The following CDK5 variants were observed in gnomAD, a reference collection of about 807,000 sequenced individuals.
CDK5 encodes the protein cyclin-dependent kinase 5.
Under a neutral mutation model 44.6 loss-of-function variants are expected in CDK5, and 18 were observed. That is an observed-to-expected ratio of 0.40 (90% CI 0.28 to 0.60). The LOEUF is 0.60. CDK5 is among the 20% of genes least tolerant of loss of function. CDK5 has a pLI of 0.38. For synonymous variants in CDK5, 143 were observed against 152.8 expected (o/e 0.94, Z 0.47); for missense variants, 198 against 368.1 (o/e 0.54, Z 3.78).
chr7:151,057,201 C>T lies in CDK5; in HGVS notation c.38-41G>A, dbSNP rs770486231. 193 of 1,475,464 alleles carry T rather than the reference C, an allele frequency of 1.3e-4. No homozygotes were observed. Among genetic ancestry groups the T allele is most frequent in the Middle Eastern group, 1.7e-4 (1 of 5,842 alleles). 91.4% of individuals were successfully genotyped at this position (1,475,464 alleles called of 1,614,324 possible). On this transcript the variant is annotated intron_variant, in intron 1 of 11. Transcript: ENST00000485972. This position sits in a 1 kb window ranked among gnomAD's most constrained non-coding sequence, Gnocchi z 5.2. The stretch of plus-strand genomic sequence containing the variant: ...CAGGGGTCAGGGTGAGGATGCGGCA[C>T]TCTTCCCTAAGCCAGGAAATGCCTC...
In CDK5 at chr7:151,055,145, C is replaced by T. The variant is rs1584973086; in HGVS notation, c.581-49G>A. On this transcript the variant is annotated intron_variant, in intron 8 of 11. Transcript: ENST00000485972. The stretch of plus-strand genomic sequence containing the variant: ...GATGTGACATGTGAAGGACCCCTCA[C>T]TCTGAGGTACCCCCTGACCTTCCAG... 1.9e-6 allele frequency: 3 copies of T among 1,588,108 alleles called. No homozygotes were observed. The East Asian group carries it at 6.7e-5, about 36-fold the overall frequency.
rs1267870703 is a variant in CDK5, at chr7:151,056,170, C to T, written c.313-322G>A. On this transcript the variant is annotated intron_variant, in intron 5 of 11. Coordinates refer to ENST00000485972, the MANE Select transcript of CDK5 (RefSeq NM_004935.4). This position sits in a 1 kb window ranked among gnomAD's most constrained non-coding sequence, Gnocchi z 4.7. ...CTTCCTGGCCGCATCTGAGTATGCA[C>T]GCCGTGAACATCAACATAAATATCG... 1.8e-5 allele frequency: 9 copies of T among 512,506 alleles called. No homozygotes were observed. The highest frequency in any genetic ancestry group is 1.7e-4 in the Admixed American group (5 of 29,404). The allele number at this position is 512,506 out of a possible 1,614,324, so 31.7% of individuals were successfully genotyped here.
At position 151,057,760 on chromosome 7, in the gene CDK5, G is replaced by A; in HGVS notation, c.37+52C>T. The A allele has an allele frequency of 2.5e-6, 4 of 1,577,888 alleles. No homozygotes were observed. The highest frequency in any genetic ancestry group is 3.5e-6 in the Non-Finnish European group (4 of 1,156,044). ...TAAGGGAGCCAGGGCTTCAAGGAAT[G>A]CCGAAGGATCTGCAGAGGAGCTCTT... On this transcript the variant is annotated intron_variant, in intron 1 of 11. Transcript: ENST00000485972. This position sits in a 1 kb window ranked among gnomAD's most constrained non-coding sequence, Gnocchi z 5.2.
intron 7 of CDK5, 26 bp downstream of exon 7, chr7:151,055,506 A>T (rs202002336): frequency 1.2e-6 from 2 of 1,607,494 alleles, no homozygotes; most frequent in East Asian, 2.2e-5. Flanking sequence ...CCCTCCCCCA[A>T]TCCCATATCC....
chr7:151,057,251 C>A lies in CDK5; in HGVS notation c.38-91G>T, dbSNP rs1345184107. On this transcript the variant is annotated intron_variant, in intron 1 of 11. Coordinates refer to ENST00000485972, the MANE Select transcript of CDK5 (RefSeq NM_004935.4). The surrounding 1 kb of genome is among the most constrained non-coding windows in gnomAD (Gnocchi z 5.2). Reference sequence around the variant, plus strand: ...CCTGAGAGAGGTGAAGGCAGCGTCTCAGTATGCAAGGGAAGGGATTCAGGG... The same window carrying A: ...CCTGAGAGAGGTGAAGGCAGCGTCTAAGTATGCAAGGGAAGGGATTCAGGG... The A allele has an allele frequency of 6.1e-6, 6 of 982,808 alleles. No individual in the cohort carries two copies. The highest frequency in any genetic ancestry group is 1.3e-5 in the South Asian group (1 of 78,398). The allele number at this position is 982,808 out of a possible 1,614,324, so 60.9% of individuals were successfully genotyped here.
Position 151,057,829 on chromosome 7 carries a change from A to G in CDK5, c.20T>C (p.Leu7Pro). The change falls in exon 1 of 12, where the codon CTG (leucine) becomes CCG (proline). Residue 7 changes from leucine (L) to proline (P), a missense_variant. Physicochemically the swap from Leu to Pro is moderately conservative, Grantham distance 98. Transcript: ENST00000485972. The surrounding 1 kb of genome is among the most constrained non-coding windows in gnomAD (Gnocchi z 5.2). ...TCCATTACCTTCCCCAATCTTTTCC[A>G]GTTTCTCGTATTTCTGCATCGCGGC... MQKYEK[L>P]EKIGEGTYGT... 6.2e-7 allele frequency: 1 copy of G among 1,611,836 alleles called. No individual in the cohort carries two copies. Among genetic ancestry groups the G allele is most frequent in the Non-Finnish European group, 8.5e-7 (1 of 1,179,074 alleles).
chr7:151,055,028 G>A lies in CDK5; in HGVS notation c.649C>T (p.Arg217Ter). The A allele has an allele frequency of 6.2e-7, 1 of 1,613,714 alleles. No homozygotes were observed. The highest frequency in any genetic ancestry group is 8.5e-7 in the Non-Finnish European group (1 of 1,179,776). The stretch of plus-strand genomic sequence containing the variant: ...CAAGGCAGAGGAAAGCAAGGATATC[G>A]GAAGATCCTCTTCAACTGGTCATCG... The part of the protein sequence containing the change: ...DVDDQLKRIF[R>*]LLGTPTEEQW... Residue 217 changes from arginine (R) to a stop codon, truncating the protein, a stop_gained and splice_region_variant, in exon 9 of 12, where the codon CGA (arginine) becomes TGA (stop). Coordinates refer to ENST00000485972, the MANE Select transcript of CDK5 (RefSeq NM_004935.4). LOFTEE classifies it high-confidence loss of function.
chr7:151,056,316 T>A lies in CDK5; in HGVS notation c.312+264A>T. 2 of 586,056 alleles carry A rather than the reference T, an allele frequency of 3.4e-6. No homozygotes were observed. The highest frequency in any genetic ancestry group is 6.1e-6 in the Non-Finnish European group (2 of 329,176). 36.3% of individuals were successfully genotyped at this position (586,056 alleles called of 1,614,324 possible). A position where few individuals can be genotyped will look rare whatever the true frequency, so the allele number is the denominator to read the frequency against. ...AGTAAGTATGTGTTGAATGAATGAG[T>A]GTATCTCCTTGAACCTCATTTTCTC... On this transcript the variant is annotated intron_variant, in intron 5 of 11. Transcript: ENST00000485972. This position sits in a 1 kb window ranked among gnomAD's most constrained non-coding sequence, Gnocchi z 4.7.
At position 151,056,070 on chromosome 7, in the gene CDK5, T is replaced by C; in HGVS notation, c.313-222A>G. ...AAGCTGGCTCTGGTCCCCACCTTCC[T>C]GGACCATACAGCCTAATGGGCCTTG... On this transcript the variant is annotated intron_variant, in intron 5 of 11. Transcript: ENST00000485972. The surrounding 1 kb of genome is among the most constrained non-coding windows in gnomAD (Gnocchi z 4.7). 1.7e-6 allele frequency: 1 copy of C among 582,518 alleles called. No individual in the cohort carries two copies. Among genetic ancestry groups the C allele is most frequent in the Non-Finnish European group, 3.1e-6 (1 of 326,088 alleles). The allele number at this position is 582,518 out of a possible 1,614,324, so 36.1% of individuals were successfully genotyped here.
chr7:151,055,926 C>T lies in CDK5; in HGVS notation c.313-78G>A. Reference sequence around the variant, plus strand: ...CCAGCAACGGGTCGGCTCCTCTCCTCACCCTGTGCTTCGCTCCACCCCACC... The same window carrying T: ...CCAGCAACGGGTCGGCTCCTCTCCTTACCCTGTGCTTCGCTCCACCCCACC... On this transcript the variant is annotated intron_variant, in intron 5 of 11. Transcript: ENST00000485972. 3 of 932,640 alleles carry T rather than the reference C, an allele frequency of 3.2e-6. No homozygotes were observed. The South Asian group carries it at 4.2e-5, about 13-fold the overall frequency. 57.8% of individuals were successfully genotyped at this position (932,640 alleles called of 1,614,324 possible).
Position 151,056,250 on chromosome 7 carries a change from T to A in CDK5, c.312+330A>T. The A allele has an allele frequency of 1.9e-6, 1 of 535,116 alleles. No homozygotes were observed. The highest frequency in any genetic ancestry group is 3.1e-5 in the East Asian group (1 of 32,236). The allele number at this position is 535,116 out of a possible 1,614,324, so 33.1% of individuals were successfully genotyped here. ...CTGGAACCTGGACCAAGGCATTTGGTCTTGGGCCTAGAAAAGCACCTGGCA... is the reference window on the plus strand; with the variant it reads ...CTGGAACCTGGACCAAGGCATTTGGACTTGGGCCTAGAAAAGCACCTGGCA... On this transcript the variant is annotated intron_variant, in intron 5 of 11. Transcript: ENST00000485972. The surrounding 1 kb of genome is among the most constrained non-coding windows in gnomAD (Gnocchi z 4.7).
rs1363018814 is a variant in CDK5, at chr7:151,056,802, G to A, written c.195-6C>T. On this transcript the variant is annotated splice_polypyrimidine_tract_variant and splice_region_variant and intron_variant, in intron 3 of 11. Coordinates refer to ENST00000485972, the MANE Select transcript of CDK5 (RefSeq NM_004935.4). This position sits in a 1 kb window ranked among gnomAD's most constrained non-coding sequence, Gnocchi z 4.7. Reference sequence around the variant, plus strand: ...TGTGCAGGACGTCATGAAGCCTAGGGCAAAAGAAGGGCTCAGCCAGGCAGG... The same window carrying A: ...TGTGCAGGACGTCATGAAGCCTAGGACAAAAGAAGGGCTCAGCCAGGCAGG... 1 of 1,609,484 alleles carries A rather than the reference G, an allele frequency of 6.2e-7. No homozygotes were observed. Among genetic ancestry groups the A allele is most frequent in the Non-Finnish European group, 8.5e-7 (1 of 1,177,884 alleles).
chr7:151,055,936 T>C, intron 5 of CDK5, 88 bp from the exon 6 acceptor site: 1 of 834,278 alleles, frequency 1.2e-6, no homozygotes, highest in Non-Finnish European at 2.0e-6. Context: ...CACCCTGTGC[T>C]TCGCTCCACC....
chr7:151,056,356 A>G lies in CDK5; in HGVS notation c.312+224T>C. 3.4e-6 allele frequency: 2 copies of G among 596,090 alleles called. No individual in the cohort carries two copies. The highest frequency in any genetic ancestry group is 6.0e-6 in the Non-Finnish European group (2 of 335,052). The allele number at this position is 596,090 out of a possible 1,614,324, so 36.9% of individuals were successfully genotyped here. A position where few individuals can be genotyped will look rare whatever the true frequency, so the allele number is the denominator to read the frequency against. On this transcript the variant is annotated intron_variant, in intron 5 of 11. Transcript: ENST00000485972. This position sits in a 1 kb window ranked among gnomAD's most constrained non-coding sequence, Gnocchi z 4.7. ...CTCATTTTCTCATCTCTCGAGTGTAAATAATATCACTGACATCAGAATGAC... is the reference window on the plus strand; with the variant it reads ...CTCATTTTCTCATCTCTCGAGTGTAGATAATATCACTGACATCAGAATGAC...
rs1473030737 is a variant in CDK5 at position 151,054,887 on chromosome 7, G to A, written c.650+140C>T. On this transcript the variant is annotated intron_variant, in intron 9 of 11. Coordinates refer to ENST00000485972, the MANE Select transcript of CDK5 (RefSeq NM_004935.4). The surrounding 1 kb of genome is among the most constrained non-coding windows in gnomAD (Gnocchi z 5.7). ...GACAATCAGGGTGTCCAGCACCCCTGCTCTCTCCCCTTGCCCTCAGGAGAA... is the reference window on the plus strand; with the variant it reads ...GACAATCAGGGTGTCCAGCACCCCTACTCTCTCCCCTTGCCCTCAGGAGAA... 1.5e-5 allele frequency: 12 copies of A among 806,732 alleles called. No individual in the cohort carries two copies. The highest frequency in any genetic ancestry group is 2.5e-5 in the Non-Finnish European group (12 of 482,180). The allele number at this position is 806,732 out of a possible 1,614,324, so 50.0% of individuals were successfully genotyped here.
chr7:151,054,164 TC>T lies in CDK5; in HGVS notation c.792+47del, dbSNP rs768071664. On this transcript the variant is annotated intron_variant, in intron 11 of 11. Transcript: ENST00000485972. The surrounding 1 kb of genome is among the most constrained non-coding windows in gnomAD (Gnocchi z 5.7). ...TGCCCAGAGCCCTGCCTTCCTGTAG[TC>T]CCACTGGGCAAGTGTCCTGACCCAC... 6.3e-7 allele frequency: 1 copy of T among 1,593,142 alleles called. No individual in the cohort carries two copies. The highest frequency in any genetic ancestry group is 2.3e-5 in the East Asian group (1 of 44,050).
At position 151,055,570 on chromosome 7, in the gene CDK5, G is replaced by C; in HGVS notation, c.445C>G (p.Arg149Gly). 4 of 1,613,748 alleles carry C rather than the reference G, an allele frequency of 2.5e-6. No homozygotes were observed. Among genetic ancestry groups the C allele is most frequent in the Non-Finnish European group, 3.4e-6 (4 of 1,179,856 alleles). The change falls in exon 7 of 12, where the codon CGA becomes GGA. Residue 149 changes from arginine to glycine, a missense_variant. Coordinates refer to ENST00000485972, the MANE Select transcript of CDK5 (RefSeq NM_004935.4). Reference protein sequence around the residue: ...ELKLADFGLARAFGIPVRCYS... With the variant: ...ELKLADFGLAGAFGIPVRCYS... ...CAGCGGACGGGAATCCCAAAGGCTC[G>C]AGCCAGGCCAAAATCAGCCAATTTC...
chr7:151,056,203 G>A lies in CDK5; in HGVS notation c.313-355C>T, dbSNP rs1796890584. Reference sequence around the variant, plus strand: ...ACATCAACATAAATATCGTGCTGTAGTATCATTCAGGACTGGCTCCCCTGG... The same window carrying A: ...ACATCAACATAAATATCGTGCTGTAATATCATTCAGGACTGGCTCCCCTGG... On this transcript the variant is annotated intron_variant, in intron 5 of 11. Coordinates refer to ENST00000485972, the MANE Select transcript of CDK5 (RefSeq NM_004935.4). This position sits in a 1 kb window ranked among gnomAD's most constrained non-coding sequence, Gnocchi z 4.7. 1 of 514,022 alleles carries A rather than the reference G, an allele frequency of 1.9e-6. No homozygotes were observed. The highest frequency in any genetic ancestry group is 3.5e-6 in the Non-Finnish European group (1 of 286,276). The allele number at this position is 514,022 out of a possible 1,614,324, so 31.8% of individuals were successfully genotyped here.
intron 5 of CDK5, 149 bp from the exon 6 acceptor site, chr7:151,055,997 C>T (rs540673696): frequency 7.7e-6 from 5 of 648,524 alleles, no homozygotes; most frequent in Admixed American, 2.3e-5. Context: ...ATTCGCCATC[C>T]AGGACCTGCT....
Sources: allele counts gnomAD v4.1 joint callset, GRCh38; gene constraint gnomAD v4.1.1; non-coding constraint Gnocchi (gnomAD v3.1); transcripts MANE v1.5; gene names NCBI Gene and HGNC (gene_info 2026-07-23, HGNC 2026-07-21).